HTT: variants seen among roughly 807,000 people sequenced by gnomAD.
HTT encodes the protein huntington disease protein.
A neutral mutation model predicts 362.3 loss-of-function variants in HTT; 104 were observed. That is an observed-to-expected ratio of 0.29 (90% CI 0.24 to 0.34). The LOEUF is 0.34. Ranked by LOEUF, HTT falls within the 10% of genes least tolerant of loss-of-function variation. HTT has a pLI of 1.00. For synonymous variants in HTT, 1,577 were observed against 1,548.7 expected, an observed-to-expected ratio of 1.02 and a Z score of -0.43; for missense variants, 3,301 against 3,928.6, an observed-to-expected ratio of 0.84 and a Z score of 4.27.
chr4:3,187,855 A>G lies in HTT; in HGVS notation c.5194A>G (p.Ile1732Val), dbSNP rs772424546. 5 of 1,612,298 alleles carry G rather than the reference A, an allele frequency of 3.1e-6. No homozygotes were observed. In the African/African-American group the frequency reaches 6.7e-5, roughly 22 times the overall value. Residue 1732 changes from isoleucine to valine, a missense_variant, in exon 39 of 67, where the codon ATA becomes GTA. Ile to Val is a conservative substitution (Grantham distance 29). Transcript: ENST00000355072. ...TLEEHSEGKQ[I>V]KNLPEETFSR... ...AGAAGAACACAGTGAAGGGAAACAA[A>G]TAAAGAATTTGCCAGAAGAAACATT...
chr4:3,089,161 C>A (rs1314156244), intron 2 of HTT, among the ~76,000 whole-genome samples: 1 of 152,150 alleles, frequency 6.6e-6, no homozygotes, highest in Non-Finnish European at 1.5e-5. Context: ...ATGTGAAACA[C>A]TGTGAAAAAG....
At chr4:3,210,587 C>T (rs1339939874) in intron 47 of HTT, among the ~76,000 whole-genome samples, 5 of 149,696 alleles carry the variant, frequency 3.3e-5, no homozygotes, top group East Asian at 2.0e-4. Context: ...GTCCCTCACC[C>T]GTGGGCAGGT....
intron 22 of HTT, among the ~76,000 whole-genome samples, 182 bp downstream of exon 22, chr4:3,140,838 A>G (rs1352186634): frequency 1.3e-5 from 2 of 152,240 alleles, no homozygotes; most frequent in East Asian, 1.9e-4. Context: ...CCACCTCTGT[A>G]TTTAAGCTCT....
chr4:3,195,884 T>C (rs1408652215), intron 40 of HTT, among the ~76,000 whole-genome samples: 2 of 152,114 alleles, frequency 1.3e-5, no homozygotes, highest in Non-Finnish European at 2.9e-5. Context: ...TTTGTGGCCT[T>C]GGATAAGTGA....
intron 44 of HTT, 124 bp from the exon 45 acceptor site, chr4:3,207,157 A>AT: frequency 1.9e-6 from 2 of 1,062,590 alleles, no homozygotes; most frequent in Non-Finnish European, 2.8e-6. Flanking sequence ...TGTTTCTTGT[A>AT]TTTTTTTCTA....
intron 28 of HTT, among the ~76,000 whole-genome samples, chr4:3,157,961 A>G (rs968732527): frequency 6.7e-6 from 1 of 150,144 alleles, no homozygotes; most frequent in African/African-American, 2.4e-5. Context: ...ATATCAATCT[A>G]TCTGTCTGCT....
intron 28 of HTT, among the ~76,000 whole-genome samples, chr4:3,157,955 C>T (rs1269400884): frequency 6.6e-6 from 1 of 151,780 alleles, no homozygotes; most frequent in Admixed American, 6.6e-5. Flanking sequence ...TTTGTTATAT[C>T]AATCTATCTG....
chr4:3,146,987 G>A lies in HTT; in HGVS notation c.3295+39G>A, dbSNP rs1716633811. 6 of 1,607,102 alleles carry A rather than the reference G, an allele frequency of 3.7e-6. No homozygotes were observed. The East Asian group carries it at 1.3e-4, about 36-fold the overall frequency. ...GTTGAAACAGGGACTCCAGGACTTG[G>A]ATTTTGATTTCCTTAGGGGGAATGG... On this transcript the variant is annotated intron_variant, in intron 25 of 66. Transcript: ENST00000355072.
chr4:3,204,041 C>A lies in HTT; in HGVS notation c.5611C>A (p.Pro1871Thr). ...HSLSSTKLLS[P>T]QMSGEEEDSD... ...TCTGTCCAGCACAAAGTTACTTAGTCCCCAGATGTCTGGAGAAGAGGAGGA... is the reference window on the plus strand; with the variant it reads ...TCTGTCCAGCACAAAGTTACTTAGTACCCAGATGTCTGGAGAAGAGGAGGA... The change falls in exon 42 of 67, where the codon CCC becomes ACC. Residue 1871 changes from proline to threonine, a missense_variant. By Grantham distance (38) the Pro-to-Thr change is conservative. Around this residue, in one of 4 missense-constraint regions of HTT, gnomAD observed 2,316 missense variants for 2,658.5 expected, o/e 0.87. Coordinates refer to ENST00000355072, the MANE Select transcript of HTT (RefSeq NM_001388492.1). 5.0e-6 allele frequency: 8 copies of A among 1,614,048 alleles called. No individual in the cohort carries two copies. Among genetic ancestry groups the A allele is most frequent in the Non-Finnish European group, 6.8e-6 (8 of 1,179,898 alleles).
intron 48 of HTT, 83 bp from the exon 49 acceptor site, chr4:3,212,481 C>G: frequency 6.7e-7 from 1 of 1,500,878 alleles, no homozygotes; most frequent in Non-Finnish European, 9.2e-7. Context: ...TCATCAGATT[C>G]TCAGAGAATT....
In HTT at chr4:3,233,348, C is replaced by T. The variant is rs1239696454; in HGVS notation, c.8451C>T (p.Ile2817=). The T allele has an allele frequency of 3.2e-5, 51 of 1,595,490 alleles. No homozygotes were observed. The highest frequency in any genetic ancestry group is 4.1e-5 in the Non-Finnish European group (48 of 1,165,522). ...ATCTCCTCTCCAACCTGAAAGGGAT[C>T]GCCCAGTGAGTGGGAGCCTGGCTGG... ...SDYLLSNLKG[I]AHCVNIHSQQ... is the part of the protein sequence containing the mutation. The change falls in exon 61 of 67, where the codon ATC becomes ATT. Residue 2817 remains isoleucine (I), a synonymous_variant. Coordinates refer to ENST00000355072, the MANE Select transcript of HTT (RefSeq NM_001388492.1).
intron 27 of HTT, among the ~76,000 whole-genome samples, chr4:3,154,808 A>G (rs567379600): frequency 2.6e-5 from 4 of 152,380 alleles, no homozygotes; most frequent in Admixed American, 6.5e-5. Flanking sequence ...TGATATGTCA[A>G]AAATTCTGAT....
intron 40 of HTT, among the ~76,000 whole-genome samples, chr4:3,191,577 A>G (rs1339799134): frequency 4.6e-5 from 7 of 152,210 alleles, no homozygotes; most frequent in Admixed American, 6.5e-5. Flanking sequence ...TGATGAATAT[A>G]AAAGGAAAAC....
chr4:3,127,166 T>G (rs1180365573), intron 11 of HTT, 98 bp from the exon 12 acceptor site: 2 of 847,874 alleles, frequency 2.4e-6, no homozygotes, highest in Admixed American at 4.3e-5. Flanking sequence ...GCTGAAACAT[T>G]TGATAACGGT....
At chr4:3,238,662 G>A in intron 65 of HTT, 53 bp downstream of exon 65, 2 of 1,530,380 alleles carry the variant, frequency 1.3e-6, no homozygotes, top group Admixed American at 1.8e-5. Flanking sequence ...AGGTGGAGTT[G>A]CCTCCGACTT....
intron 6 of HTT, among the ~76,000 whole-genome samples, chr4:3,111,233 G>A (rs947353903): frequency 3.4e-5 from 5 of 145,172 alleles, no homozygotes; most frequent in South Asian, 2.2e-4. Flanking sequence ...CTACTCTGTC[G>A]CCCAGGCTAG....
intron 26 of HTT, among the ~76,000 whole-genome samples, chr4:3,151,058 A>AC (rs113628832): frequency 0.055 from 8,287 of 151,442 alleles, 600 homozygotes; most frequent in African/African-American, 0.17. Context: ...ACAAAACAAA[A>AC]AAAAAAAAAA....
At chr4:3,234,876 A>T (rs1721446901) in intron 61 of HTT, among the ~76,000 whole-genome samples, 1 of 152,148 alleles carries the variant, frequency 6.6e-6, no homozygotes, top group Non-Finnish European at 1.5e-5. Context: ...CTGTCGGGGG[A>T]TCACAGAAGG....
chr4:3,235,327 G>A lies in HTT; in HGVS notation c.8500G>A (p.Ala2834Thr), dbSNP rs778130333. Residue 2834 changes from alanine to threonine, a missense_variant, in exon 62 of 67, where the codon GCC (alanine) becomes ACC (threonine). Transcript: ENST00000355072. ...CCAGCAGCACGTACTGGTCATGTGT[G>A]CCACTGCGTTTTACCTCATTGAGAA... Reference protein sequence around the residue: ...HSQQHVLVMCATAFYLIENYP... With the variant: ...HSQQHVLVMCTTAFYLIENYP... 3 of 1,614,040 alleles carry A rather than the reference G, an allele frequency of 1.9e-6. No individual in the cohort carries two copies. The highest frequency in any genetic ancestry group is 1.7e-6 in the Non-Finnish European group (2 of 1,179,910).
Sources: allele counts gnomAD v4.1 joint callset (sites outside exome capture counted in the v4.1 genomes callset), GRCh38; gene constraint gnomAD v4.1.1; regional missense constraint gnomAD v4.1.1; transcripts MANE v1.5; gene names NCBI Gene and HGNC (gene_info 2026-07-23, HGNC 2026-07-21).